The following CEP85L variants were observed in gnomAD, a reference collection of about 807,000 sequenced individuals.
CEP85L encodes centrosomal protein of 85 kDa-like.
CEP85L carries 60 observed loss-of-function variants against 100.3 expected under a neutral mutation model. The ratio of observed to expected loss-of-function variants is 0.60; its 90% CI spans 0.49 to 0.74. The LOEUF is 0.74. Ranked by LOEUF, CEP85L falls within the 30% of genes least tolerant of loss-of-function variation. CEP85L has a pLI of 0.00. For missense variants in CEP85L, 973 were observed against 936.2 expected, an observed-to-expected ratio of 1.04 and a Z score of -0.51; for synonymous variants, 319 against 322.7, an observed-to-expected ratio of 0.99 and a Z score of 0.12.
chr6:118,493,614 T>A (rs1356206943), intron 5 of CEP85L, among the ~76,000 whole-genome samples: 1 of 152,002 alleles, frequency 6.6e-6, no homozygotes, highest in Non-Finnish European at 1.5e-5. Context: ...GGAAGCAGGG[T>A]GAAAGGATTT....
chr6:118,620,600 C>T (rs1247957941), intron 2 of CEP85L, among the ~76,000 whole-genome samples: 1 of 152,222 alleles, frequency 6.6e-6, no homozygotes, highest in East Asian at 1.9e-4. Flanking sequence ...AAGCCCCCAG[C>T]CAGATGATTC....
chr6:118,597,449 T>C (rs750222001), intron 2 of CEP85L, among the ~76,000 whole-genome samples: 9 of 152,080 alleles, frequency 5.9e-5, no homozygotes, highest in Non-Finnish European at 1.2e-4. Flanking sequence ...TTGGAGGTAA[T>C]TGCAAGAACT....
chr6:118,660,565 A>G (rs990905849), intron 1 of CEP85L, among the ~76,000 whole-genome samples: 18 of 152,276 alleles, frequency 1.2e-4, no homozygotes, highest in Non-Finnish European at 2.4e-4. Context: ...TCCCATTGGA[A>G]TAAAACCAAA....
Position 118,601,350 on chromosome 6 carries a change from G to C in CEP85L, c.232+31103C>G, listed in dbSNP as rs375343852. Among the ~76,000 whole-genome samples the C allele has an allele frequency of 7.2e-5, 11 of 152,268 alleles. No individual in the cohort carries two copies. In the East Asian group the frequency reaches 1.5e-3, roughly 21 times the overall value. On this transcript the variant is annotated intron_variant, in intron 2 of 12. Coordinates refer to ENST00000368491, the MANE Select transcript of CEP85L (RefSeq NM_001042475.3). ...CCCTGGTTATTACAGTCTACTTTTT[G>C]AGAAGGAAGGGCAATTTTATTGGTA...
intron 5 of CEP85L, among the ~76,000 whole-genome samples, chr6:118,498,891 A>T (rs1775098005): frequency 6.6e-6 from 1 of 152,232 alleles, no homozygotes; most frequent in East Asian, 1.9e-4. Context: ...AAAAAGATAA[A>T]AAATCATCCA....
chr6:118,483,234 G>GA (rs1050376404), intron 7 of CEP85L, among the ~76,000 whole-genome samples: 5 of 147,522 alleles, frequency 3.4e-5, no homozygotes, highest in South Asian at 2.1e-4. Context: ...TATTGTTAAG[G>GA]AAAAAAAAAT....
intron 5 of CEP85L, among the ~76,000 whole-genome samples, chr6:118,503,225 T>C (rs1199452184): frequency 1.3e-5 from 2 of 152,308 alleles, no homozygotes; most frequent in East Asian, 3.9e-4. Flanking sequence ...TAGGTATAAA[T>C]CTAACAACAT....
intron 1 of CEP85L, among the ~76,000 whole-genome samples, chr6:118,650,649 G>C (rs1775491258): frequency 6.6e-6 from 1 of 152,172 alleles, no homozygotes; most frequent in Non-Finnish European, 1.5e-5. Context: ...GAGAGCGGCC[G>C]CATCTCTGGC....
chr6:118,484,741 ATAC>A (rs543165803), intron 6 of CEP85L, among the ~76,000 whole-genome samples: 105 of 147,196 alleles, frequency 7.1e-4, no homozygotes, highest in Admixed American at 3.5e-3. Context: ...AGAGAGGAAG[ATAC>A]TACAAGTAAC....
At chr6:118,636,824 A>G (rs1248688141) in intron 1 of CEP85L, among the ~76,000 whole-genome samples, 1 of 152,206 alleles carries the variant, frequency 6.6e-6, no homozygotes, top group Non-Finnish European at 1.5e-5. Flanking sequence ...TATGCTATCA[A>G]CAATCCCAGG....
intron 6 of CEP85L, among the ~76,000 whole-genome samples, chr6:118,486,494 T>C (rs1774197303): frequency 6.6e-6 from 1 of 152,212 alleles, no homozygotes; most frequent in East Asian, 1.9e-4. Flanking sequence ...TTTTCTGTCA[T>C]AGAATCAGTC....
chr6:118,588,649 C>T (rs937032772), intron 2 of CEP85L, among the ~76,000 whole-genome samples: 1 of 152,184 alleles, frequency 6.6e-6, no homozygotes, highest in African/African-American at 2.4e-5. Flanking sequence ...TGGTTAGCCC[C>T]TTTATTAAGC....
rs565364471 is a variant in CEP85L, at chr6:118,481,062, T to C, written c.1746-549A>G. Among the ~76,000 whole-genome samples the C allele has an allele frequency of 1.4e-4, 21 of 152,068 alleles. No homozygotes were observed. In the East Asian group the frequency reaches 3.3e-3, roughly 24 times the overall value. On this transcript the variant is annotated intron_variant, in intron 8 of 12. Transcript: ENST00000368491. The stretch of plus-strand genomic sequence containing the variant: ...GTACACGTACTTACAACTGTATTAA[T>C]TGAGACCCACGAGGCAAGAGAAGTA...
At chr6:118,514,701 A>G (rs1018305222) in intron 4 of CEP85L, among the ~76,000 whole-genome samples, 21 of 152,300 alleles carry the variant, frequency 1.4e-4, no homozygotes, top group Admixed American at 1.2e-3. Flanking sequence ...AACCATTCTG[A>G]ACATAAGGAC....
At chr6:118,639,840 A>G (rs1180874640) in intron 1 of CEP85L, among the ~76,000 whole-genome samples, 2 of 152,164 alleles carry the variant, frequency 1.3e-5, no homozygotes, top group Non-Finnish European at 2.9e-5. Flanking sequence ...TACAATTACA[A>G]CTACAAAAAT....
At chr6:118,518,364 C>CT (rs1320535079) in intron 4 of CEP85L, among the ~76,000 whole-genome samples, 3 of 152,112 alleles carry the variant, frequency 2.0e-5, no homozygotes, top group African/African-American at 7.2e-5. Context: ...TGGTCTTGGA[C>CT]TTTTTTTGGC....
At chr6:118,560,968 T>C (rs111959925) in intron 3 of CEP85L, among the ~76,000 whole-genome samples, 1,547 of 152,350 alleles carry the variant, frequency 0.01, 9 homozygotes, top group Non-Finnish European at 0.018. Flanking sequence ...TAATTAACCA[T>C]ATCTTCTAAA....
intron 2 of CEP85L, among the ~76,000 whole-genome samples, chr6:118,629,043 A>G (rs1207397897): frequency 6.6e-6 from 1 of 152,226 alleles, no homozygotes; most frequent in East Asian, 1.9e-4. Flanking sequence ...TTAACAATAA[A>G]AATAATCAAA....
chr6:118,664,870 G>A (rs2115413830), intron 1 of CEP85L, among the ~76,000 whole-genome samples: 1 of 152,160 alleles, frequency 6.6e-6, no homozygotes, highest in South Asian at 2.1e-4. Context: ...TAAAATAACT[G>A]CATGTTTTTA....
Sources: gnomAD v4.1 joint callset for allele counts (sites outside exome capture counted in the v4.1 genomes callset) on GRCh38, gnomAD v4.1.1 for gene constraint, MANE v1.5 for transcripts, NCBI Gene and HGNC (gene_info 2026-07-23, HGNC 2026-07-21) for gene names.